CLSTN2: variants seen among roughly 807,000 people sequenced by gnomAD.
CLSTN2 encodes calsyntenin 2.
A neutral mutation model predicts 101.2 loss-of-function variants in CLSTN2; 48 were observed. The observed-to-expected ratio is 0.47, with a 90% CI of 0.38 to 0.60. The LOEUF (loss-of-function observed/expected upper bound fraction) is 0.60. Ranked by LOEUF, CLSTN2 falls within the 20% of genes least tolerant of loss-of-function variation. CLSTN2 has a pLI of 0.00. For missense variants in CLSTN2, 1,160 were observed against 1,238.2 expected (o/e 0.94, Z 0.95); for synonymous variants, 481 against 463.6 (o/e 1.04, Z -0.48).
intron 8 of CLSTN2, among the ~76,000 whole-genome samples, chr3:140,519,534 AT>A (rs1250969410): frequency 6.6e-6 from 1 of 152,204 alleles, no homozygotes; most frequent in Non-Finnish European, 1.5e-5. Flanking sequence ...GTGCATATAT[AT>A]TTAGGATAGT....
chr3:140,305,762 TTAAA>T (rs1359199631), intron 2 of CLSTN2, among the ~76,000 whole-genome samples: 1 of 151,792 alleles, frequency 6.6e-6, no homozygotes, highest in Non-Finnish European at 1.5e-5. Context: ...CAATATTTTG[TTAAA>T]TAAAAAAAGT....
intron 1 of CLSTN2, among the ~76,000 whole-genome samples, chr3:139,967,979 A>G (rs531963549): frequency 5.9e-5 from 9 of 152,130 alleles, no homozygotes; most frequent in South Asian, 2.1e-4. Context: ...AGACACATAT[A>G]TGTGTGTCTG....
chr3:140,250,694 C>A (rs569957805), intron 2 of CLSTN2, among the ~76,000 whole-genome samples: 1 of 152,112 alleles, frequency 6.6e-6, no homozygotes, highest in African/African-American at 2.4e-5. Flanking sequence ...GATGAGCCTT[C>A]GCCAGGGATA....
At chr3:140,529,313 T>C (rs1935207787) in intron 8 of CLSTN2, among the ~76,000 whole-genome samples, 1 of 152,212 alleles carries the variant, frequency 6.6e-6, no homozygotes, top group Admixed American at 6.5e-5. Flanking sequence ...TCTGCAGGTG[T>C]CCAGAGATTC....
At chr3:140,411,482 A>G (rs2088362948) in intron 4 of CLSTN2, among the ~76,000 whole-genome samples, 1 of 152,244 alleles carries the variant, frequency 6.6e-6, no homozygotes. Flanking sequence ...GAATAGTAAG[A>G]AACTACTTTC....
chr3:140,144,054 TGA>T (rs1308918857), intron 1 of CLSTN2, among the ~76,000 whole-genome samples: 2 of 152,232 alleles, frequency 1.3e-5, no homozygotes, highest in African/African-American at 2.4e-5. Flanking sequence ...CTGAGGTTTG[TGA>T]GAGAGATGCG....
chr3:140,484,634 C>T (rs1290713095), intron 8 of CLSTN2, among the ~76,000 whole-genome samples: 1 of 152,160 alleles, frequency 6.6e-6, no homozygotes. Flanking sequence ...TTCACATAGT[C>T]CCATATTTCT....
intron 2 of CLSTN2, among the ~76,000 whole-genome samples, chr3:140,372,714 T>C (rs2087872132): frequency 6.6e-6 from 1 of 152,180 alleles, no homozygotes; most frequent in Admixed American, 6.5e-5. Flanking sequence ...TAGTCCCATG[T>C]AATGCTCTAT....
intron 8 of CLSTN2, among the ~76,000 whole-genome samples, chr3:140,485,943 C>G (rs376982923): frequency 2.0e-5 from 3 of 151,290 alleles, no homozygotes; most frequent in African/African-American, 7.3e-5. Flanking sequence ...TCGGCTCACA[C>G]TTGGTGCGCT....
intron 6 of CLSTN2, among the ~76,000 whole-genome samples, chr3:140,457,706 C>T (rs1399965615): frequency 6.6e-6 from 1 of 152,196 alleles, no homozygotes; most frequent in Non-Finnish European, 1.5e-5. Flanking sequence ...CCCACCTAAG[C>T]ATTGGGTGAA....
chr3:140,244,604 A>T (rs1442756639), intron 2 of CLSTN2, among the ~76,000 whole-genome samples: 1 of 152,208 alleles, frequency 6.6e-6, no homozygotes, highest in Non-Finnish European at 1.5e-5. Flanking sequence ...CATACATAAT[A>T]GCTGCTTAAT....
intron 2 of CLSTN2, among the ~76,000 whole-genome samples, chr3:140,196,812 T>G (rs974762806): frequency 6.6e-6 from 1 of 152,220 alleles, no homozygotes; most frequent in Non-Finnish European, 1.5e-5. Context: ...TATAGCACTG[T>G]GATCACAATA....
chr3:140,242,714 A>T (rs1178729256), intron 2 of CLSTN2, among the ~76,000 whole-genome samples: 1 of 152,190 alleles, frequency 6.6e-6, no homozygotes, highest in African/African-American at 2.4e-5. Context: ...CATGATTCCC[A>T]TTCCCCAGGA....
chr3:140,422,802 AC>A (rs1292141504), intron 5 of CLSTN2, among the ~76,000 whole-genome samples: 1 of 152,212 alleles, frequency 6.6e-6, no homozygotes, highest in East Asian at 1.9e-4. Flanking sequence ...TGTCTTGTTC[AC>A]CACTGAATTT....
At chr3:140,514,815 T>C (rs895555173) in intron 8 of CLSTN2, among the ~76,000 whole-genome samples, 2 of 152,142 alleles carry the variant, frequency 1.3e-5, no homozygotes, top group African/African-American at 4.8e-5. Flanking sequence ...TTTTATGTTC[T>C]TAGTGTTGCC....
At chr3:140,226,633 A>G (rs2086322734) in intron 2 of CLSTN2, among the ~76,000 whole-genome samples, 1 of 152,264 alleles carries the variant, frequency 6.6e-6, no homozygotes, top group South Asian at 2.1e-4. Flanking sequence ...CCTAAGAGAG[A>G]CTAGATAATG....
intron 1 of CLSTN2, among the ~76,000 whole-genome samples, chr3:139,967,763 G>A (rs1935626497): frequency 1.3e-5 from 2 of 152,160 alleles, no homozygotes; most frequent in African/African-American, 2.4e-5. Context: ...TTTGCTAGAT[G>A]TTTTGAAGTC....
At chr3:139,983,938 A>G (rs982862125) in intron 1 of CLSTN2, among the ~76,000 whole-genome samples, 1 of 152,156 alleles carries the variant, frequency 6.6e-6, no homozygotes, top group African/African-American at 2.4e-5. Flanking sequence ...TTTCTTAATC[A>G]TTTGTAATTT....
chr3:140,155,862 T>C (rs1376679502), intron 1 of CLSTN2, among the ~76,000 whole-genome samples: 1 of 152,242 alleles, frequency 6.6e-6, no homozygotes, highest in Non-Finnish European at 1.5e-5. Context: ...TGCATTGAGA[T>C]TGCCATCTGC....
Sources: gnomAD v4.1 joint callset for allele counts (sites outside exome capture counted in the v4.1 genomes callset) on GRCh38, gnomAD v4.1.1 for gene constraint, MANE v1.5 for transcripts, NCBI Gene and HGNC (gene_info 2026-07-23, HGNC 2026-07-21) for gene names.